The following CHRM3 variants were observed in gnomAD, a reference collection of about 807,000 sequenced individuals.
CHRM3 encodes muscarinic acetylcholine receptor M3.
CHRM3 carries 11 observed loss-of-function variants against 41.8 expected under a neutral mutation model. That is an observed-to-expected ratio of 0.26 (90% CI 0.17 to 0.44). The LOEUF is 0.44. Among genes scored for constraint, CHRM3 ranks in the 20% least tolerant of loss-of-function variants. The pLI, the probability that CHRM3 is intolerant of heterozygous loss-of-function variation, is 1.00. For missense variants in CHRM3, 571 were observed against 745.4 expected, an observed-to-expected ratio of 0.77 and a Z score of 2.72; for synonymous variants, 297 against 301.4, an observed-to-expected ratio of 0.99 and a Z score of 0.15.
chr1:239,544,297 C>G (rs926444812), intron 2 of CHRM3, among the ~76,000 whole-genome samples: 2 of 152,126 alleles, frequency 1.3e-5, no homozygotes, highest in African/African-American at 4.8e-5. Context: ...CATCCTTCCC[C>G]CTGTGATCTA....
At chr1:239,631,342 T>C (rs1406937729) in intron 3 of CHRM3, among the ~76,000 whole-genome samples, 5 of 152,164 alleles carry the variant, frequency 3.3e-5, no homozygotes, top group Non-Finnish European at 7.3e-5. Flanking sequence ...TCCCTCCACA[T>C]GCACCTCTAG....
chr1:239,551,354 G>A (rs1024824258), intron 3 of CHRM3, among the ~76,000 whole-genome samples: 1 of 151,266 alleles, frequency 6.6e-6, no homozygotes, highest in Admixed American at 6.6e-5. Context: ...TAGAGACGGG[G>A]TTTCTCCATG....
At chr1:239,707,327 T>A (rs1558473010) in intron 5 of CHRM3, 1 of 151,430 alleles carries the variant, frequency 6.6e-6, no homozygotes, top group Non-Finnish European at 1.5e-5. Context: ...TTCGCGAGTC[T>A]AAAAAAAAAT....
At chr1:239,655,447 T>C (rs1381636224) in intron 4 of CHRM3, among the ~76,000 whole-genome samples, 2 of 152,242 alleles carry the variant, frequency 1.3e-5, no homozygotes, top group Non-Finnish European at 1.5e-5. Flanking sequence ...TTTTTGCATC[T>C]GTCGAATGGG....
At position 239,822,086 on chromosome 1, in the gene CHRM3, G is replaced by C. The variant is rs577666683; in HGVS notation, c.-146-5166G>C. Among the ~76,000 whole-genome samples, 4 of 152,310 alleles carry C rather than the reference G, an allele frequency of 2.6e-5. No individual in the cohort carries two copies. The East Asian group carries it at 7.7e-4, about 29-fold the overall frequency. ...ACCTCTTTCCTTTATGAATTACCCA[G>C]TCTCGGGTATTTCTTTATAGCAGTG... On this transcript the variant is annotated intron_variant, in intron 5 of 6. Coordinates refer to ENST00000676153, the MANE Select transcript of CHRM3 (RefSeq NM_001375978.1).
Position 239,763,139 on chromosome 1 carries a change from G to C in CHRM3, c.-146-64113G>C, listed in dbSNP as rs553714673. ...TTTTTTTGTTTTTCTGGAAGAACAA[G>C]GTGCATATACAGAAAACTGTCATGT... On this transcript the variant is annotated intron_variant, in intron 5 of 6. Transcript: ENST00000676153. Among the ~76,000 whole-genome samples, 7 of 152,120 alleles carry C rather than the reference G, an allele frequency of 4.6e-5. No homozygotes were observed. The South Asian group carries it at 6.2e-4, about 14-fold the overall frequency.
At chr1:239,486,657 C>A (rs1667201503) in intron 1 of CHRM3, among the ~76,000 whole-genome samples, 1 of 152,014 alleles carries the variant, frequency 6.6e-6, no homozygotes, top group Admixed American at 6.5e-5. Context: ...TGATTGTGTT[C>A]TAATAAAACT....
At chr1:239,797,327 G>T (rs1354622829) in intron 5 of CHRM3, among the ~76,000 whole-genome samples, 2 of 151,230 alleles carry the variant, frequency 1.3e-5, no homozygotes, top group Admixed American at 1.3e-4. Flanking sequence ...TAGCAAACCT[G>T]CACATGTACC....
At chr1:239,828,419 C>T (rs1672637366) in intron 6 of CHRM3, among the ~76,000 whole-genome samples, 1 of 151,988 alleles carries the variant, frequency 6.6e-6, no homozygotes, top group African/African-American at 2.4e-5. Flanking sequence ...TATACACACA[C>T]AATGTTGTGG....
rs114732771 is a variant in CHRM3, at chr1:239,725,440, G to T, written c.-147+47152G>T. Among the ~76,000 whole-genome samples, 1,093 of 151,964 alleles carry T rather than the reference G, an allele frequency of 7.2e-3. 5 individuals carry two copies. Among genetic ancestry groups the T allele is most frequent in the Non-Finnish European group, 0.011 (729 of 67,912 alleles). On this transcript the variant is annotated intron_variant, in intron 5 of 6. Coordinates refer to ENST00000676153, the MANE Select transcript of CHRM3 (RefSeq NM_001375978.1). ...TTTTATCTACTAGAGTAATTCCACC[G>T]TATGCAGCAGGATATACTTTTTGTT... is the stretch of plus-strand genomic sequence containing the variant.
chr1:239,900,264 G>T (rs1679416501), intron 6 of CHRM3, among the ~76,000 whole-genome samples: 1 of 132,732 alleles, frequency 7.5e-6, no homozygotes, highest in African/African-American at 3.3e-5. Flanking sequence ...CTTCATTTGG[G>T]TCTGACCTAC....
chr1:239,440,265 T>C (rs1467463802), intron 1 of CHRM3, among the ~76,000 whole-genome samples: 1 of 149,788 alleles, frequency 6.7e-6, no homozygotes, highest in Non-Finnish European at 1.5e-5. Flanking sequence ...TAAATTTACA[T>C]ATAAGCCAAA....
At chr1:239,733,765 G>A (rs1664173854) in intron 5 of CHRM3, among the ~76,000 whole-genome samples, 1 of 152,108 alleles carries the variant, frequency 6.6e-6, no homozygotes, top group African/African-American at 2.4e-5. Context: ...TTTTTCTTAT[G>A]TGGGGAAAAG....
At chr1:239,878,465 G>C (rs1677306056) in intron 6 of CHRM3, among the ~76,000 whole-genome samples, 2 of 152,012 alleles carry the variant, frequency 1.3e-5, no homozygotes, top group Admixed American at 6.6e-5. Context: ...TACCGATGAG[G>C]CTTCGCTTGC....
chr1:239,655,833 T>A (rs565918538), intron 4 of CHRM3, among the ~76,000 whole-genome samples: 1 of 152,128 alleles, frequency 6.6e-6, no homozygotes, highest in South Asian at 2.1e-4. Context: ...AAATAAATAT[T>A]AAGAAAATGC....
At chr1:239,890,972 A>G (rs1572608833) in intron 6 of CHRM3, among the ~76,000 whole-genome samples, 1 of 152,226 alleles carries the variant, frequency 6.6e-6, no homozygotes, top group East Asian at 1.9e-4. Context: ...TACCCTTCAT[A>G]TAAGATCCCA....
At chr1:239,455,088 T>C (rs1038876602) in intron 1 of CHRM3, among the ~76,000 whole-genome samples, 1 of 152,172 alleles carries the variant, frequency 6.6e-6, no homozygotes, top group Non-Finnish European at 1.5e-5. Flanking sequence ...TATTTATTTA[T>C]ATTTTTGAGA....
chr1:239,546,786 C>T (rs1454599552), intron 3 of CHRM3, among the ~76,000 whole-genome samples: 2 of 152,068 alleles, frequency 1.3e-5, no homozygotes, highest in Non-Finnish European at 2.9e-5. Flanking sequence ...ATATTAGATA[C>T]TTCTTATGTG....
intron 1 of CHRM3, among the ~76,000 whole-genome samples, chr1:239,409,189 T>C (rs1475412728): frequency 2.0e-5 from 3 of 152,214 alleles, no homozygotes. Flanking sequence ...GCCCTGGAGT[T>C]ATCCTCTTGG....
Sources: allele counts gnomAD v4.1 joint callset (sites outside exome capture counted in the v4.1 genomes callset), GRCh38; gene constraint gnomAD v4.1.1; transcripts MANE v1.5; gene names NCBI Gene and HGNC (gene_info 2026-07-23, HGNC 2026-07-21).